Variants in SCARF1 observed in about 807,000 individuals in gnomAD.
The protein encoded by SCARF1 is scavenger receptor class F member 1, also known as acetyl LDL receptor.
A neutral mutation model predicts 76.3 loss-of-function variants in SCARF1; 49 were observed. That is an observed-to-expected ratio of 0.64 (90% CI 0.51 to 0.81). The LOEUF (loss-of-function observed/expected upper bound fraction) is 0.81. Among genes scored for constraint, SCARF1 ranks in the 40% least tolerant of loss-of-function variants. The pLI is 0.00. For synonymous variants in SCARF1, 495 were observed against 474.6 expected (o/e 1.04, Z -0.56); for missense variants, 1,098 against 1,143.9 (o/e 0.96, Z 0.58).
In SCARF1 at chr17:1,640,639, C is replaced by T. The variant is rs200981064; in HGVS notation, c.819G>A (p.Pro273=). The T allele has an allele frequency of 1.2e-4, 192 of 1,612,456 alleles. No homozygotes were observed. The East Asian group carries it at 2.9e-3, about 24-fold the overall frequency. Residue 273 remains proline, a synonymous_variant, in exon 5 of 11, where the codon CCG becomes CCA. Transcript: ENST00000263071. This position sits in a 1 kb window ranked among gnomAD's most constrained non-coding sequence, Gnocchi z 4.7. ...CACAGCTGCCTGTGTCTGGAGAGCA[C>T]GGCTCATTGTGTTTGCAGCGGCCAC... ...HSCGRCKHNE[P]CSPDTGSCES...
At chr17:1,643,088 C>T (rs1216739767) in intron 4 of SCARF1, among the ~76,000 whole-genome samples, 2 of 151,894 alleles carry the variant, frequency 1.3e-5, no homozygotes, top group Non-Finnish European at 2.9e-5. Context: ...GGCGCCCCGC[C>T]GCGGCCACCT....
Position 1,643,728 on chromosome 17 carries a change from C to T in SCARF1, c.505G>A (p.Ala169Thr), listed in dbSNP as rs1439140680. 1.1e-5 allele frequency: 14 copies of T among 1,330,028 alleles called. No homozygotes were observed. Among genetic ancestry groups the T allele is most frequent in the Non-Finnish European group, 1.2e-5 (13 of 1,047,482 alleles). 82.4% of individuals were successfully genotyped at this position (1,330,028 alleles called of 1,614,324 possible). A position where few individuals can be genotyped will look rare whatever the true frequency, so the allele number is the denominator to read the frequency against. Residue 169 changes from alanine to threonine, a missense_variant, in exon 4 of 11, where the codon GCG becomes ACG. Ala to Thr is a moderately conservative substitution (Grantham distance 58). Coordinates refer to ENST00000263071, the MANE Select transcript of SCARF1 (RefSeq NM_003693.4). The part of the protein sequence containing the change: ...CRRPCQCNTA[A>T]ARCEQATGAC... Reference sequence around the variant, plus strand: ...CCCGTGGCCTGCTCGCAGCGCGCCGCCGCGGTGTTGCACTGGCACGGGCGG... The same window carrying T: ...CCCGTGGCCTGCTCGCAGCGCGCCGTCGCGGTGTTGCACTGGCACGGGCGG...
At position 1,640,796 on chromosome 17, in the gene SCARF1, G is replaced by A. The variant is rs915361686; in HGVS notation, c.792-130C>T. On this transcript the variant is annotated intron_variant, in intron 4 of 10. Transcript: ENST00000263071. This position sits in a 1 kb window ranked among gnomAD's most constrained non-coding sequence, Gnocchi z 4.7. ...GTTCGGGTCCCACCTGGGTCAGGCA[G>A]GTTTGAGCCTCAGTTTCCCCACGTT... is the stretch of plus-strand genomic sequence containing the variant. 4.5e-5 allele frequency: 35 copies of A among 777,470 alleles called. No homozygotes were observed. Among genetic ancestry groups the A allele is most frequent in the African/African-American group, 1.2e-4 (7 of 57,438 alleles). The allele number at this position is 777,470 out of a possible 1,614,324, so 48.2% of individuals were successfully genotyped here.
rs879805189 is a variant in SCARF1, at chr17:1,640,237, G to A, written c.1011-197C>T. On this transcript the variant is annotated intron_variant, in intron 5 of 10. Transcript: ENST00000263071. The surrounding 1 kb of genome is among the most constrained non-coding windows in gnomAD (Gnocchi z 4.7). ...GACAGACTACAAGTCCCCAGAGGGC[G>A]AGGAGGGCAGGAAGCCTCAGAGGGG... 26 of 773,720 alleles carry A rather than the reference G, an allele frequency of 3.4e-5. No homozygotes were observed. The highest frequency in any genetic ancestry group is 1.1e-4 in the East Asian group (4 of 37,170). 47.9% of individuals were successfully genotyped at this position (773,720 alleles called of 1,614,324 possible).
At chr17:1,639,033 C>G in intron 7 of SCARF1, 107 bp from the exon 8 acceptor site, 2 of 1,231,348 alleles carry the variant, frequency 1.6e-6, no homozygotes, top group Non-Finnish European at 2.2e-6. Flanking sequence ...GGGGTCACTC[C>G]CTGCCTCCGG....
intron 4 of SCARF1, among the ~76,000 whole-genome samples, chr17:1,642,636 T>C (rs1192900718): frequency 6.6e-6 from 1 of 152,144 alleles, no homozygotes; most frequent in Non-Finnish European, 1.5e-5. Context: ...GCAGTGCTAG[T>C]ATATTTTGCA....
rs1194559123 is a variant in SCARF1, at chr17:1,635,120, G to A, written c.2131C>T (p.His711Tyr). ...TGGCCTTTCTGGAAGCTACCAAAAT[G>A]GCGGAAGACAGAGCGGACAGGGCCT... ...SEGPVRSVFR[H>Y]FGSFQKGQAE... Residue 711 changes from histidine to tyrosine, a missense_variant, in exon 11 of 11, where the codon CAT becomes TAT. Physicochemically the swap from His to Tyr is moderately conservative, Grantham distance 83. Transcript: ENST00000263071. The A allele has an allele frequency of 2.5e-6, 4 of 1,613,840 alleles. No homozygotes were observed. The highest frequency in any genetic ancestry group is 1.7e-5 in the Admixed American group (1 of 60,032).
rs1909334103 is a variant in SCARF1, at chr17:1,634,367, G to T, written c.*391C>A. ...TCGCACCACTGCACTCCAGCCTGGG[G>T]GACAGAGGGAGATTCTGTCTCAAAA... On this transcript the variant is annotated 3_prime_UTR_variant, in exon 11 of 11. Coordinates refer to ENST00000263071, the MANE Select transcript of SCARF1 (RefSeq NM_003693.4). 1.1e-5 allele frequency: 4 copies of T among 358,518 alleles called. No individual in the cohort carries two copies. The highest frequency in any genetic ancestry group is 4.8e-5 in the Admixed American group (1 of 21,018). The allele number at this position is 358,518 out of a possible 1,614,324, so 22.2% of individuals were successfully genotyped here.
Position 1,645,347 on chromosome 17 carries a change from T to C in SCARF1, c.102-108A>G. The C allele has an allele frequency of 6.9e-7, 1 of 1,452,412 alleles. No individual in the cohort carries two copies. The highest frequency in any genetic ancestry group is 9.4e-7 in the Non-Finnish European group (1 of 1,068,298). The allele number at this position is 1,452,412 out of a possible 1,614,324, so 90.0% of individuals were successfully genotyped here. A position where few individuals can be genotyped will look rare whatever the true frequency, so the allele number is the denominator to read the frequency against. On this transcript the variant is annotated intron_variant, in intron 1 of 10. Coordinates refer to ENST00000263071, the MANE Select transcript of SCARF1 (RefSeq NM_003693.4). The surrounding 1 kb of genome is among the most constrained non-coding windows in gnomAD (Gnocchi z 6.3). ...AGTGGGGGAGGCTGCCTTAGCCCCC[T>C]GGGGAGGCCTAATGGATCTTTACAG... is the stretch of plus-strand genomic sequence containing the variant.
intron 10 of SCARF1, 61 bp from the exon 11 acceptor site, chr17:1,635,678 C>G (rs1909498804): frequency 6.6e-7 from 1 of 1,526,430 alleles, no homozygotes; most frequent in Non-Finnish European, 8.7e-7. Context: ...TGCATCCTAC[C>G]CACAGCTCAG....
chr17:1,642,185 TA>T (rs199787636), intron 4 of SCARF1, among the ~76,000 whole-genome samples: 4,810 of 151,354 alleles, frequency 0.032, 130 homozygotes, highest in Non-Finnish European at 0.044. Flanking sequence ...TATTTATATA[TA>T]TTTTTTTATT....
In SCARF1 at chr17:1,640,125, C is replaced by G; in HGVS notation, c.1011-85G>C. On this transcript the variant is annotated intron_variant, in intron 5 of 10. Transcript: ENST00000263071. This position sits in a 1 kb window ranked among gnomAD's most constrained non-coding sequence, Gnocchi z 4.7. ...GGCCCCACCCCTCCGCCCCACGCTC[C>G]TGGACTCAAGGACCCAACTGGCCAC... 6.6e-7 allele frequency: 1 copy of G among 1,515,432 alleles called. No homozygotes were observed. Among genetic ancestry groups the G allele is most frequent in the Non-Finnish European group, 8.9e-7 (1 of 1,121,598 alleles). The allele number at this position is 1,515,432 out of a possible 1,614,324, so 93.9% of individuals were successfully genotyped here.
At chr17:1,641,381 A>G (rs1380098294) in intron 4 of SCARF1, among the ~76,000 whole-genome samples, 1 of 152,190 alleles carries the variant, frequency 6.6e-6, no homozygotes, top group Non-Finnish European at 1.5e-5. Flanking sequence ...GGGACCCTCG[A>G]GCTGCGGGAA....
chr17:1,633,872 G>T lies in SCARF1; in HGVS notation c.*886C>A, dbSNP rs1358502880. On this transcript the variant is annotated 3_prime_UTR_variant, in exon 11 of 11. Transcript: ENST00000263071. ...GTTTTACTTTATACATGTCTGTAATGTTAGTACTTTTTATTTTTTTAACAA... is the reference window on the plus strand; with the variant it reads ...GTTTTACTTTATACATGTCTGTAATTTTAGTACTTTTTATTTTTTTAACAA... The T allele has an allele frequency of 6.6e-6, 1 of 152,078 alleles. No individual in the cohort carries two copies. The highest frequency in any genetic ancestry group is 2.4e-5 in the African/African-American group (1 of 41,416). The allele number at this position is 152,078 out of a possible 1,614,324, so 9.4% of individuals were successfully genotyped here.
chr17:1,640,646 T>C lies in SCARF1; in HGVS notation c.812A>G (p.Asn271Ser), dbSNP rs139884764. 1.1e-5 allele frequency: 17 copies of C among 1,612,364 alleles called. No individual in the cohort carries two copies. The highest frequency in any genetic ancestry group is 1.4e-5 in the Non-Finnish European group (17 of 1,179,590). ...CAHSCGRCKH[N>S]EPCSPDTGSC... Reference sequence around the variant, plus strand: ...GCCTGTGTCTGGAGAGCACGGCTCATTGTGTTTGCAGCGGCCACAGCTGGG... The same window carrying C: ...GCCTGTGTCTGGAGAGCACGGCTCACTGTGTTTGCAGCGGCCACAGCTGGG... Residue 271 changes from asparagine (N) to serine (S), a missense_variant, in exon 5 of 11, where the codon AAT becomes AGT. Asn to Ser is a conservative substitution (Grantham distance 46). Coordinates refer to ENST00000263071, the MANE Select transcript of SCARF1 (RefSeq NM_003693.4). The surrounding 1 kb of genome is among the most constrained non-coding windows in gnomAD (Gnocchi z 4.7).
In SCARF1 at chr17:1,643,819, G is replaced by T; in HGVS notation, c.414C>A (p.His138Gln). 1 of 1,269,168 alleles carries T rather than the reference G, an allele frequency of 7.9e-7. No homozygotes were observed. The highest frequency in any genetic ancestry group is 9.9e-7 in the Non-Finnish European group (1 of 1,010,716). The allele number at this position is 1,269,168 out of a possible 1,614,324, so 78.6% of individuals were successfully genotyped here. The change falls in exon 4 of 11, where the codon CAC (histidine) becomes CAA (glutamine). Residue 138 changes from histidine (H) to glutamine (Q), a missense_variant. By Grantham distance (24) the His-to-Gln change is conservative (BLOSUM62 0). Transcript: ENST00000263071. ...CGCCGGTCGCGGGGTCGCAGCGCCC[G>T]TGGGGGCCGCAGGCGCACGGGAACT... The part of the protein sequence containing the change: ...RCEFPCACGP[H>Q]GRCDPATGVC...
At position 1,645,040 on chromosome 17, in the gene SCARF1, C is replaced by T. The variant is rs1380217633; in HGVS notation, c.164-105G>A. ...CATGCCTCCTCAAGAGGTGCCCCTT[C>T]AGGCCTGGGGGTGCGTCACAGGAGA... On this transcript the variant is annotated intron_variant, in intron 2 of 10. Transcript: ENST00000263071. This position sits in a 1 kb window ranked among gnomAD's most constrained non-coding sequence, Gnocchi z 6.3. 2.6e-6 allele frequency: 4 copies of T among 1,523,640 alleles called. No homozygotes were observed. Among genetic ancestry groups the T allele is most frequent in the Non-Finnish European group, 3.6e-6 (4 of 1,113,030 alleles). 94.4% of individuals were successfully genotyped at this position (1,523,640 alleles called of 1,614,324 possible).
intron 8 of SCARF1, chr17:1,638,596 C>T (rs1004949248): frequency 2.1e-6 from 1 of 481,936 alleles, no homozygotes; most frequent in African/African-American, 2.0e-5. Context: ...CCTCCATCAC[C>T]TCTGACCTAC....
chr17:1,641,570 T>C lies in SCARF1; in HGVS notation c.792-904A>G, dbSNP rs75083001. The stretch of plus-strand genomic sequence containing the variant: ...ACATTTGCCATATCTTAATTTCCCA[T>C]TGATGCCTAATAGTTACCTGAAGTT... On this transcript the variant is annotated intron_variant, in intron 4 of 10. Coordinates refer to ENST00000263071, the MANE Select transcript of SCARF1 (RefSeq NM_003693.4). 6.2e-3 allele frequency among the ~76,000 whole-genome samples: 944 copies of C among 152,308 alleles called. 9 individuals carry two copies. Among genetic ancestry groups the C allele is most frequent in the African/African-American group, 0.022 (900 of 41,560 alleles).
Sources: allele counts gnomAD v4.1 joint callset (sites outside exome capture counted in the v4.1 genomes callset), GRCh38; gene constraint gnomAD v4.1.1; non-coding constraint Gnocchi (gnomAD v3.1); transcripts MANE v1.5; gene names NCBI Gene and HGNC (gene_info 2026-07-23, HGNC 2026-07-21).